SMOC2: variants seen among roughly 807,000 people sequenced by gnomAD.
The protein encoded by SMOC2 is SPARC related modular calcium binding 2.
Under a neutral mutation model 61.4 loss-of-function variants are expected in SMOC2, and 39 were observed. That is an observed-to-expected ratio of 0.64 (90% CI 0.49 to 0.83). SMOC2 has a LOEUF of 0.83. Among genes scored for constraint, SMOC2 ranks in the 40% least tolerant of loss-of-function variants. The pLI is 0.00. For synonymous variants in SMOC2, 247 were observed against 239.9 expected (o/e 1.03, Z -0.27); for missense variants, 556 against 592.9 (o/e 0.94, Z 0.65).
intron 7 of SMOC2, among the ~76,000 whole-genome samples, chr6:168,557,772 A>G (rs1254912778): frequency 6.6e-6 from 1 of 152,194 alleles, no homozygotes; most frequent in South Asian, 2.1e-4. Context: ...TGTTGACCTC[A>G]TATGATGCTT....
intron 7 of SMOC2, among the ~76,000 whole-genome samples, chr6:168,574,235 C>G (rs1208168388): frequency 6.6e-6 from 1 of 152,204 alleles, no homozygotes; most frequent in African/African-American, 2.4e-5. Context: ...GGAGGGGGGC[C>G]AGGCCCTGAG....
In SMOC2 at chr6:168,445,922, G is replaced by A. The variant is rs924067141; in HGVS notation, c.84+4468G>A. ...CATGGATGTAACGTCAGTTGCAATGGCTCAGAACCGAACAGATTTCTCAGT... is the reference window on the plus strand; with the variant it reads ...CATGGATGTAACGTCAGTTGCAATGACTCAGAACCGAACAGATTTCTCAGT... On this transcript the variant is annotated intron_variant, in intron 1 of 12. Coordinates refer to ENST00000356284, the MANE Select transcript of SMOC2 (RefSeq NM_001166412.2). Among the ~76,000 whole-genome samples, 2 of 152,328 alleles carry A rather than the reference G, an allele frequency of 1.3e-5. 1 individual carries two copies. Among genetic ancestry groups the A allele is most frequent in the South Asian group, 4.1e-4 (2 of 4,824 alleles).
intron 10 of SMOC2, among the ~76,000 whole-genome samples, chr6:168,652,151 A>G (rs1482463305): frequency 5.3e-5 from 8 of 152,232 alleles, no homozygotes; most frequent in African/African-American, 1.9e-4. Context: ...ACTGCAAACT[A>G]AAAATGAAGG....
chr6:168,475,957 A>G lies in SMOC2; in HGVS notation c.85-33958A>G, dbSNP rs191742323. 6.6e-5 allele frequency among the ~76,000 whole-genome samples: 10 copies of G among 152,120 alleles called. No homozygotes were observed. The highest frequency in any genetic ancestry group is 1.3e-4 in the Non-Finnish European group (9 of 67,970). On this transcript the variant is annotated intron_variant, in intron 1 of 12. Coordinates refer to ENST00000356284, the MANE Select transcript of SMOC2 (RefSeq NM_001166412.2). This position sits in a 1 kb window ranked among gnomAD's most constrained non-coding sequence, Gnocchi z 4.6. ...AGGCGTGGAAGGGCTGAGGTTTGCTAACCGTAGTCCACTTGGGACCTTCCC... is the reference window on the plus strand; with the variant it reads ...AGGCGTGGAAGGGCTGAGGTTTGCTGACCGTAGTCCACTTGGGACCTTCCC...
At chr6:168,653,772 C>G (rs1319602542) in intron 11 of SMOC2, among the ~76,000 whole-genome samples, 3 of 148,540 alleles carry the variant, frequency 2.0e-5, no homozygotes, top group Non-Finnish European at 4.4e-5. Context: ...ACTCACCAAC[C>G]CTGTACCTGA....
chr6:168,455,070 G>C (rs1488753297), intron 1 of SMOC2, among the ~76,000 whole-genome samples: 1 of 152,092 alleles, frequency 6.6e-6, no homozygotes, highest in African/African-American at 2.4e-5. Flanking sequence ...GGCTTGTTAG[G>C]GGCCCCTGCA....
intron 8 of SMOC2, among the ~76,000 whole-genome samples, chr6:168,607,914 C>T (rs1260212183): frequency 8.6e-6 from 1 of 116,384 alleles, no homozygotes. Flanking sequence ...GATGGAGAGA[C>T]GGCCCTGCTG....
intron 7 of SMOC2, among the ~76,000 whole-genome samples, chr6:168,549,827 A>C (rs1784090108): frequency 6.6e-6 from 1 of 152,176 alleles, no homozygotes; most frequent in Non-Finnish European, 1.5e-5. Context: ...TTCTCTGTGG[A>C]TGTCAAACTA....
intron 1 of SMOC2, among the ~76,000 whole-genome samples, chr6:168,445,978 A>G (rs931595762): frequency 2.0e-5 from 3 of 152,256 alleles, no homozygotes; most frequent in Admixed American, 6.5e-5. Context: ...CTTCTTGCCA[A>G]TCCAGGATCT....
At position 168,528,267 on chromosome 6, in the gene SMOC2, GT is replaced by G. The variant is rs60113269; in HGVS notation, c.463+554del. 2.8e-3 allele frequency among the ~76,000 whole-genome samples: 378 copies of G among 136,540 alleles called. 3 individuals carry two copies. The highest frequency in any genetic ancestry group is 0.011 in the Middle Eastern group (3 of 262). 89.6% of individuals were successfully genotyped at this position (136,540 alleles called of 152,430 possible). A position where few individuals can be genotyped will look rare whatever the true frequency, so the allele number is the denominator to read the frequency against. On this transcript the variant is annotated intron_variant, in intron 4 of 12. Coordinates refer to ENST00000356284, the MANE Select transcript of SMOC2 (RefSeq NM_001166412.2). ...GTAAAATATTCTCTTTCCCATTAGT[GT>G]TTTTTTTTTTTTTGCCAATAGTGCT...
In SMOC2 at chr6:168,535,470, T is replaced by TC. The variant is rs1230885651; in HGVS notation, c.463+7745dup. On this transcript the variant is annotated intron_variant, in intron 4 of 12. Coordinates refer to ENST00000356284, the MANE Select transcript of SMOC2 (RefSeq NM_001166412.2). This position sits in a 1 kb window ranked among gnomAD's most constrained non-coding sequence, Gnocchi z 4.6. ...ATACAGCTGTACTCAGACATTTTTC[T>TC]CCTGCCATTGAATCAGGGTCTCAAA... 6.6e-6 allele frequency among the ~76,000 whole-genome samples: 1 copy of TC among 152,178 alleles called. No individual in the cohort carries two copies. Among genetic ancestry groups the TC allele is most frequent in the Non-Finnish European group, 1.5e-5 (1 of 68,036 alleles).
chr6:168,579,435 T>C (rs571013314), intron 7 of SMOC2, among the ~76,000 whole-genome samples: 109 of 152,374 alleles, frequency 7.2e-4, no homozygotes, highest in Admixed American at 2.3e-3. Context: ...GGCAGCACTT[T>C]TGGAAAATGG....
At chr6:168,480,990 CT>C (rs1303213229) in intron 1 of SMOC2, among the ~76,000 whole-genome samples, 1 of 152,068 alleles carries the variant, frequency 6.6e-6, no homozygotes, top group African/African-American at 2.4e-5. Flanking sequence ...CAAAGCTGTT[CT>C]TCAAAAGTAA....
chr6:168,602,315 G>C lies in SMOC2; in HGVS notation c.824+3311G>C, dbSNP rs137995406. On this transcript the variant is annotated intron_variant, in intron 8 of 12. Transcript: ENST00000356284. ...GACATAATTGTTATAAGTCGTTGGT[G>C]GGGGCAGTTGTTGTTGTTTTGGTCT... is the stretch of plus-strand genomic sequence containing the variant. 5.5e-3 allele frequency among the ~76,000 whole-genome samples: 845 copies of C among 152,298 alleles called. 7 individuals carry two copies. The highest frequency in any genetic ancestry group is 0.019 in the African/African-American group (797 of 41,560).
intron 9 of SMOC2, among the ~76,000 whole-genome samples, chr6:168,622,042 T>C (rs562070038): frequency 6.6e-6 from 1 of 152,164 alleles, no homozygotes; most frequent in Non-Finnish European, 1.5e-5. Flanking sequence ...CTCGGCTCAC[T>C]GCAAGCTCCG....
intron 9 of SMOC2, among the ~76,000 whole-genome samples, chr6:168,613,752 C>T (rs1785959034): frequency 1.9e-5 from 2 of 105,980 alleles, no homozygotes; most frequent in African/African-American, 3.1e-5. Context: ...GGGGCCTCTT[C>T]ACACCTACAG....
At chr6:168,661,695 T>C (rs1787513660) in intron 11 of SMOC2, among the ~76,000 whole-genome samples, 1 of 152,134 alleles carries the variant, frequency 6.6e-6, no homozygotes, top group Non-Finnish European at 1.5e-5. Context: ...TACTTCTAAC[T>C]CCCAGGGAGA....
chr6:168,540,795 A>C (rs1783860729), intron 4 of SMOC2, among the ~76,000 whole-genome samples: 1 of 151,982 alleles, frequency 6.6e-6, no homozygotes, highest in Non-Finnish European at 1.5e-5. Flanking sequence ...TGATGCTGTA[A>C]ACCTGCCCCC....
chr6:168,567,438 T>C (rs1450446825), intron 7 of SMOC2, among the ~76,000 whole-genome samples: 1 of 152,224 alleles, frequency 6.6e-6, no homozygotes, highest in African/African-American at 2.4e-5. Context: ...ATAAATTACT[T>C]AAGATATTTC....
Sources: gnomAD v4.1 joint callset for allele counts (sites outside exome capture counted in the v4.1 genomes callset) on GRCh38, gnomAD v4.1.1 for gene constraint, Gnocchi (gnomAD v3.1) non-coding constraint, MANE v1.5 for transcripts, NCBI Gene and HGNC (gene_info 2026-07-23, HGNC 2026-07-21) for gene names.